Variants in RUFY3 observed in about 807,000 individuals in gnomAD.
The protein encoded by RUFY3 is protein RUFY3.
RUFY3 carries 34 observed loss-of-function variants against 84.0 expected under a neutral mutation model. The observed-to-expected ratio is 0.40, with a 90% CI of 0.31 to 0.54. RUFY3 has a LOEUF of 0.54. RUFY3 is among the 20% of genes least tolerant of loss of function. The probability of loss-of-function intolerance (pLI) is 0.39; values close to 1 mark genes in which losing one functional copy is unlikely to be tolerated. For synonymous variants in RUFY3, 242 were observed against 252.9 expected (o/e 0.96, Z 0.41); for missense variants, 507 against 736.8 (o/e 0.69, Z 3.61).
At chr4:70,773,066 A>G (rs190652989) in intron 5 of RUFY3, among the ~76,000 whole-genome samples, 3 of 152,356 alleles carry the variant, frequency 2.0e-5, no homozygotes, top group Admixed American at 1.3e-4. Flanking sequence ...ACACCAAAAT[A>G]TTAGCAATGG....
chr4:70,794,900 A>G lies in RUFY3; in HGVS notation c.1557+6A>G. 6.5e-7 allele frequency: 1 copy of G among 1,542,744 alleles called. No individual in the cohort carries two copies. Among genetic ancestry groups the G allele is most frequent in the Non-Finnish European group, 8.9e-7 (1 of 1,117,644 alleles). ...AGAAGTCAGAATCCAAGATGGTAAT[A>G]TTTGCTATTCCCTTGTTCTTTTACT... On this transcript the variant is annotated splice_donor_region_variant and intron_variant, in intron 14 of 17. Coordinates refer to ENST00000381006, the MANE Select transcript of RUFY3 (RefSeq NM_001037442.4).
Position 70,768,552 on chromosome 4 carries a change from C to G in RUFY3, c.587C>G (p.Pro196Arg), listed in dbSNP as rs1410365028. 1 of 1,613,524 alleles carries G rather than the reference C, an allele frequency of 6.2e-7. No homozygotes were observed. The highest frequency in any genetic ancestry group is 1.7e-5 in the Admixed American group (1 of 59,922). Reference sequence around the variant, plus strand: ...TTCTCTTACAGTGAATTCTACGAACCCAATGCCCTCATGATGGAAGAAGAA... The same window carrying G: ...TTCTCTTACAGTGAATTCTACGAACGCAATGCCCTCATGATGGAAGAAGAA... ...KKELLSEFYEPNALMMEEEGA... is the reference protein window; with the variant it reads ...KKELLSEFYERNALMMEEEGA... Residue 196 changes from proline (P) to arginine (R), a missense_variant, in exon 5 of 18, where the codon CCC (proline) becomes CGC (arginine). Pro to Arg is a moderately radical substitution (Grantham distance 103). Coordinates refer to ENST00000381006, the MANE Select transcript of RUFY3 (RefSeq NM_001037442.4).
chr4:70,763,774 C>T (rs1407210425), intron 3 of RUFY3, 105 bp downstream of exon 3: 13 of 1,378,920 alleles, frequency 9.4e-6, no homozygotes, highest in Non-Finnish European at 1.3e-5. Context: ...TATTTTATAA[C>T]AATCCAAAAT....
chr4:70,795,692 A>G (rs1731415702), intron 14 of RUFY3, among the ~76,000 whole-genome samples: 1 of 152,218 alleles, frequency 6.6e-6, no homozygotes, highest in Admixed American at 6.5e-5. Flanking sequence ...AGTTCAAGAG[A>G]CTTTAGTAAG....
upstream of RUFY3, among the ~76,000 whole-genome samples, chr4:70,720,793 T>G (rs888291406): frequency 6.6e-6 from 1 of 151,934 alleles, no homozygotes; most frequent in African/African-American, 2.4e-5. Flanking sequence ...TCAAAGAAAA[T>G]TCTTATTCTT....
intron 4 of RUFY3, among the ~76,000 whole-genome samples, chr4:70,765,045 G>A (rs529745121): frequency 9.9e-5 from 15 of 151,742 alleles, no homozygotes; most frequent in South Asian, 2.1e-4. Flanking sequence ...AAAATTAGCC[G>A]GGCGTGGCGG....
At chr4:70,798,596 A>G (rs1408846627) in intron 14 of RUFY3, among the ~76,000 whole-genome samples, 2 of 152,200 alleles carry the variant, frequency 1.3e-5, no homozygotes, top group Non-Finnish European at 2.9e-5. Context: ...AGCCTGGGCA[A>G]CATGGTGAAA....
At position 70,776,248 on chromosome 4, in the gene RUFY3, A is replaced by G. The variant is rs182424330; in HGVS notation, c.824+1015A>G. On this transcript the variant is annotated intron_variant, in intron 7 of 17. Coordinates refer to ENST00000381006, the MANE Select transcript of RUFY3 (RefSeq NM_001037442.4). ...AATTAGGCAAGGTAGGAGATTAGCA[A>G]CAATAATAAAATAAAACAACTTTAA... Among the ~76,000 whole-genome samples, 39 of 152,316 alleles carry G rather than the reference A, an allele frequency of 2.6e-4. No homozygotes were observed. The East Asian group carries it at 7.5e-3, about 29-fold the overall frequency.
chr4:70,719,576 A>G (rs1742033066), upstream of RUFY3, among the ~76,000 whole-genome samples: 2 of 152,226 alleles, frequency 1.3e-5, no homozygotes, highest in South Asian at 4.1e-4. Context: ...TATCACACAT[A>G]CAGATAGCTA....
Position 70,759,855 on chromosome 4 carries a change from G to T in RUFY3, c.179-2664G>T, listed in dbSNP as rs183156344. 3.9e-5 allele frequency among the ~76,000 whole-genome samples: 6 copies of T among 152,276 alleles called. No individual in the cohort carries two copies. The South Asian group carries it at 6.2e-4, about 16-fold the overall frequency. ...TTAATCTCCCAAAGAATATTTGGCA[G>T]TGTCTGGAGACATTTTTGGTTGTCT... is the stretch of plus-strand genomic sequence containing the variant. On this transcript the variant is annotated intron_variant, in intron 1 of 17. Transcript: ENST00000381006.
intron 10 of RUFY3, among the ~76,000 whole-genome samples, chr4:70,786,407 A>G (rs1162992776): frequency 6.8e-6 from 1 of 147,350 alleles, no homozygotes; most frequent in East Asian, 2.0e-4. Flanking sequence ...CTTTTTTTTT[A>G]TTGATGCATA....
At chr4:70,738,323 A>G (rs1464749544) in intron 1 of RUFY3, among the ~76,000 whole-genome samples, 1 of 135,674 alleles carries the variant, frequency 7.4e-6, no homozygotes, top group African/African-American at 2.8e-5. Context: ...ATACTTATTT[A>G]GATCTCAAGG....
chr4:70,790,246 T>C (rs1202382645), intron 12 of RUFY3, among the ~76,000 whole-genome samples: 2 of 152,134 alleles, frequency 1.3e-5, no homozygotes, highest in Non-Finnish European at 2.9e-5. Flanking sequence ...GCTACTCTCT[T>C]TCTGTGCTTA....
intron 4 of RUFY3, among the ~76,000 whole-genome samples, chr4:70,765,432 G>T (rs1417588011): frequency 1.3e-5 from 2 of 152,088 alleles, no homozygotes; most frequent in African/African-American, 4.8e-5. Context: ...CGATTTCTAG[G>T]ATTTCAGTAC....
intron 12 of RUFY3, 73 bp downstream of exon 12, chr4:70,789,665 C>A: frequency 6.6e-7 from 1 of 1,506,766 alleles, no homozygotes; most frequent in South Asian, 1.3e-5. Context: ...GCTGTACATT[C>A]GGCAAATAGA....
chr4:70,731,590 CAG>C (rs1387263543), intron 1 of RUFY3, among the ~76,000 whole-genome samples: 1 of 151,966 alleles, frequency 6.6e-6, no homozygotes, highest in Non-Finnish European at 1.5e-5. Flanking sequence ...TGTTTTGAGA[CAG>C]AGTTTCGTTC....
chr4:70,714,186 C>G (rs1240723918), intron 1 of RUFY3, among the ~76,000 whole-genome samples: 1 of 152,136 alleles, frequency 6.6e-6, no homozygotes, highest in Non-Finnish European at 1.5e-5. Context: ...CATGCTATGT[C>G]ACACTCTTTC....
At chr4:70,800,382 A>C (rs1732068054) in intron 15 of RUFY3, among the ~76,000 whole-genome samples, 177 bp downstream of exon 15, 1 of 151,470 alleles carries the variant, frequency 6.6e-6, no homozygotes, top group Non-Finnish European at 1.5e-5. Flanking sequence ...GTATTAAACC[A>C]AACCCATTAG....
At chr4:70,775,611 C>T (rs1727802605) in intron 7 of RUFY3, among the ~76,000 whole-genome samples, 1 of 152,070 alleles carries the variant, frequency 6.6e-6, no homozygotes, top group Non-Finnish European at 1.5e-5. Context: ...TATTTCAGAA[C>T]TGATCTTGGG....
Sources: gnomAD v4.1 joint callset for allele counts (sites outside exome capture counted in the v4.1 genomes callset) on GRCh38, gnomAD v4.1.1 for gene constraint, MANE v1.5 for transcripts, NCBI Gene and HGNC (gene_info 2026-07-23, HGNC 2026-07-21) for gene names.